ADARB2: variants seen among roughly 807,000 people sequenced by gnomAD.
ADARB2 encodes inactive double-stranded RNA-specific editase B2.
Under a neutral mutation model 62.2 loss-of-function variants are expected in ADARB2, and 25 were observed. The observed-to-expected ratio is 0.40, with a 90% CI of 0.29 to 0.56. The LOEUF (loss-of-function observed/expected upper bound fraction) is 0.56, where lower values mean the gene tolerates loss of function less well. Ranked by LOEUF, ADARB2 falls within the 20% of genes least tolerant of loss-of-function variation. ADARB2 has a pLI of 0.43. For missense variants in ADARB2, 1,071 were observed against 1,077.4 expected, an observed-to-expected ratio of 0.99 and a Z score of 0.08; for synonymous variants, 572 against 500.8, an observed-to-expected ratio of 1.14 and a Z score of -1.90.
At chr10:1,661,707 A>G (rs1004373519) in intron 1 of ADARB2, among the ~76,000 whole-genome samples, 1 of 152,206 alleles carries the variant, frequency 6.6e-6, no homozygotes, top group Non-Finnish European at 1.5e-5. Context: ...CAGCAGTCAC[A>G]CTGCCCAGGA....
At chr10:1,242,348 C>A in intron 4 of ADARB2, 49 bp from the exon 5 acceptor site, 1 of 1,498,262 alleles carries the variant, frequency 6.7e-7, no homozygotes, top group Non-Finnish European at 8.9e-7. Flanking sequence ...GCCCCCGTCT[C>A]CCTCCTCCTC....
intron 6 of ADARB2, among the ~76,000 whole-genome samples, chr10:1,232,140 C>T (rs1307186292): frequency 1.3e-5 from 2 of 152,106 alleles, no homozygotes; most frequent in African/African-American, 4.8e-5. Context: ...ACACATATCA[C>T]ATACACCACA....
intron 1 of ADARB2, among the ~76,000 whole-genome samples, chr10:1,515,861 A>C (rs905019945): frequency 6.6e-6 from 1 of 152,194 alleles, no homozygotes. Flanking sequence ...TGATTCTTTG[A>C]TTCTTCTTTG....
intron 3 of ADARB2, among the ~76,000 whole-genome samples, chr10:1,297,575 A>G (rs1831534482): frequency 6.6e-6 from 1 of 152,168 alleles, no homozygotes; most frequent in Non-Finnish European, 1.5e-5. Context: ...GCTGCGTGGC[A>G]TCGCCTGGAC....
At chr10:1,253,543 G>A (rs527363624) in intron 4 of ADARB2, among the ~76,000 whole-genome samples, 1 of 152,156 alleles carries the variant, frequency 6.6e-6, no homozygotes, top group South Asian at 2.1e-4. Context: ...CATTCAGTGG[G>A]CATTAAACAC....
chr10:1,289,742 CA>C lies in ADARB2; in HGVS notation c.1078-18674del, dbSNP rs141243137. Among the ~76,000 whole-genome samples, 147 of 152,390 alleles carry C rather than the reference CA, an allele frequency of 9.6e-4. 3 individuals carry two copies. The East Asian group carries it at 0.024, about 25-fold the overall frequency. On this transcript the variant is annotated intron_variant, in intron 3 of 9. Coordinates refer to ENST00000381312, the MANE Select transcript of ADARB2 (RefSeq NM_018702.4). ...TGCTGCTGGGTGACAAGACAGCCCACAGGATCCAGCCCCTGGGGGGACCGCC... is the reference window on the plus strand; with the variant it reads ...TGCTGCTGGGTGACAAGACAGCCCACGGATCCAGCCCCTGGGGGGACCGCC...
chr10:1,609,787 C>T (rs1209992057), intron 1 of ADARB2, among the ~76,000 whole-genome samples: 2 of 152,182 alleles, frequency 1.3e-5, no homozygotes, highest in African/African-American at 4.8e-5. Flanking sequence ...AAGAGTGTGT[C>T]GCCCTGTGTC....
At position 1,202,858 on chromosome 10, in the gene ADARB2, C is replaced by T. The variant is rs565794772; in HGVS notation, c.1683-2711G>A. Among the ~76,000 whole-genome samples, 104 of 152,344 alleles carry T rather than the reference C, an allele frequency of 6.8e-4. No homozygotes were observed. In the South Asian group the frequency reaches 0.015, roughly 22 times the overall value. ...CTCCGTGTTAGAGGCCGTCAGAGCA[C>T]GGGCTTTGAACAAAACTTCCGGAAC... On this transcript the variant is annotated intron_variant, in intron 7 of 9. Coordinates refer to ENST00000381312, the MANE Select transcript of ADARB2 (RefSeq NM_018702.4).
At chr10:1,189,722 A>C (rs1402338836) in intron 8 of ADARB2, among the ~76,000 whole-genome samples, 5 of 151,360 alleles carry the variant, frequency 3.3e-5, no homozygotes, top group Non-Finnish European at 7.4e-5. Flanking sequence ...CACCCAGAAC[A>C]CATGGCCCTA....
At chr10:1,192,235 T>C (rs1308681083) in intron 8 of ADARB2, among the ~76,000 whole-genome samples, 3 of 152,246 alleles carry the variant, frequency 2.0e-5, no homozygotes, top group Non-Finnish European at 4.4e-5. Flanking sequence ...GAGGCAAGTC[T>C]GTGTCACTGG....
At chr10:1,254,447 TCTTATA>T (rs1180988299) in intron 4 of ADARB2, among the ~76,000 whole-genome samples, 1 of 152,238 alleles carries the variant, frequency 6.6e-6, no homozygotes, top group African/African-American at 2.4e-5. Context: ...GGCCATTCTT[TCTTATA>T]CTTGTGTGAT....
chr10:1,248,965 G>A (rs924663035), intron 4 of ADARB2, among the ~76,000 whole-genome samples: 2 of 152,090 alleles, frequency 1.3e-5, no homozygotes, highest in African/African-American at 4.8e-5. Flanking sequence ...AGAAGCCTTC[G>A]GGTTGTGTGT....
intron 1 of ADARB2, among the ~76,000 whole-genome samples, chr10:1,551,691 G>T (rs1416838464): frequency 6.6e-6 from 1 of 152,230 alleles, no homozygotes; most frequent in Non-Finnish European, 1.5e-5. Flanking sequence ...AGCACCTGAG[G>T]CGCCAGGGCC....
intron 1 of ADARB2, among the ~76,000 whole-genome samples, chr10:1,684,428 GCA>G (rs529203522): frequency 6.6e-6 from 1 of 151,972 alleles, no homozygotes; most frequent in African/African-American, 2.4e-5. Context: ...ATTTCTGTAT[GCA>G]CACACACACA....
chr10:1,686,814 T>C (rs1834602024), intron 1 of ADARB2, among the ~76,000 whole-genome samples: 1 of 152,226 alleles, frequency 6.6e-6, no homozygotes, highest in African/African-American at 2.4e-5. Context: ...AACAAATGTT[T>C]ATTGTTGATT....
intron 1 of ADARB2, among the ~76,000 whole-genome samples, chr10:1,660,330 C>T (rs925013242): frequency 2.0e-5 from 3 of 152,230 alleles, no homozygotes; most frequent in African/African-American, 7.2e-5. Flanking sequence ...GAGCATTTCA[C>T]TCTGTGTCAG....
intron 1 of ADARB2, among the ~76,000 whole-genome samples, chr10:1,396,044 C>A (rs144934496): frequency 6.6e-6 from 1 of 152,356 alleles, no homozygotes; most frequent in Non-Finnish European, 1.5e-5. Context: ...CGGGCCATTT[C>A]TCACCTTTTC....
chr10:1,348,420 C>T (rs1183514012), intron 3 of ADARB2, among the ~76,000 whole-genome samples: 2 of 152,138 alleles, frequency 1.3e-5, no homozygotes, highest in African/African-American at 4.8e-5. Context: ...TCAGGCGACG[C>T]CTGAGCCCTG....
chr10:1,312,243 G>T (rs1308895542), intron 3 of ADARB2, among the ~76,000 whole-genome samples: 2 of 152,120 alleles, frequency 1.3e-5, no homozygotes, highest in African/African-American at 4.8e-5. Flanking sequence ...CAGAGATGCA[G>T]TGGGGGATGC....
Sources: allele counts gnomAD v4.1 joint callset (sites outside exome capture counted in the v4.1 genomes callset), GRCh38; gene constraint gnomAD v4.1.1; transcripts MANE v1.5; gene names NCBI Gene and HGNC (gene_info 2026-07-23, HGNC 2026-07-21).